Variants in GRHL2 observed in about 807,000 individuals in gnomAD.
The protein encoded by GRHL2 is grainyhead-like protein 2 homolog.
In GRHL2, 21 loss-of-function variants were observed where a neutral mutation model predicts 83.8. The ratio of observed to expected loss-of-function variants is 0.25; its 90% CI spans 0.18 to 0.36. The LOEUF (loss-of-function observed/expected upper bound fraction) is 0.36, where lower values mean the gene tolerates loss of function less well. GRHL2 is among the 10% of genes least tolerant of loss of function. The probability of loss-of-function intolerance (pLI) is 1.00; values close to 1 mark genes in which losing one functional copy is unlikely to be tolerated. For missense variants in GRHL2, 623 were observed against 781.8 expected (o/e 0.80, Z 2.42); for synonymous variants, 280 against 278.9 (o/e 1.00, Z -0.04).
At chr8:101,643,618 G>A (rs865952559) in intron 12 of GRHL2, among the ~76,000 whole-genome samples, 3 of 152,176 alleles carry the variant, frequency 2.0e-5, no homozygotes, top group African/African-American at 4.8e-5. Flanking sequence ...CATCTGCTGC[G>A]GCCAGAGGGA....
chr8:101,539,693 T>A (rs606338), intron 1 of GRHL2, among the ~76,000 whole-genome samples: 22,362 of 152,294 alleles, frequency 0.15, 1,961 homozygotes, highest in South Asian at 0.26. Flanking sequence ...ATGCTCCTTT[T>A]GTAAGAAAAT....
chr8:101,546,333 A>T (rs896756531), intron 2 of GRHL2, among the ~76,000 whole-genome samples: 3 of 152,100 alleles, frequency 2.0e-5, no homozygotes, highest in Non-Finnish European at 4.4e-5. Flanking sequence ...ATATAATTTC[A>T]TATATCTGTA....
At chr8:101,645,348 G>A (rs1350093145) in intron 13 of GRHL2, among the ~76,000 whole-genome samples, 1 of 152,020 alleles carries the variant, frequency 6.6e-6, no homozygotes, top group Non-Finnish European at 1.5e-5. Context: ...GGCCAGGATG[G>A]TCTCGATCTC....
chr8:101,616,263 C>T (rs1812855990), intron 8 of GRHL2, among the ~76,000 whole-genome samples: 1 of 151,894 alleles, frequency 6.6e-6, no homozygotes, highest in African/African-American at 2.4e-5. Flanking sequence ...CTCCACCTCC[C>T]AGGTTCAAGA....
rs1810636448 is a variant in GRHL2 at position 101,519,368 on chromosome 8, C to T, written c.21-23873C>T. Among the ~76,000 whole-genome samples, 3 of 150,928 alleles carry T rather than the reference C, an allele frequency of 2.0e-5. No individual in the cohort carries two copies. The South Asian group carries it at 6.4e-4, about 32-fold the overall frequency. ...GTTTTTATGTTTACATAGCTATTCC[C>T]AAATCCAAGGTCAGATTAAATATTC... On this transcript the variant is annotated intron_variant, in intron 1 of 15. Coordinates refer to ENST00000646743, the MANE Select transcript of GRHL2 (RefSeq NM_024915.4).
intron 14 of GRHL2, among the ~76,000 whole-genome samples, chr8:101,663,954 C>G (rs950689906): frequency 1.3e-5 from 2 of 151,192 alleles, no homozygotes; most frequent in Non-Finnish European, 2.9e-5. Context: ...TTTTTATTAA[C>G]CTTTCGACCT....
intron 15 of GRHL2, 36 bp from the exon 16 acceptor site, chr8:101,666,553 T>C (rs1028214996): frequency 8.0e-7 from 1 of 1,243,316 alleles, no homozygotes; most frequent in African/African-American, 1.5e-5. Context: ...GTTCACGGCG[T>C]CTTTGTTTTT....
chr8:101,591,409 C>G (rs1160624757), intron 7 of GRHL2, among the ~76,000 whole-genome samples: 1 of 152,184 alleles, frequency 6.6e-6, no homozygotes, highest in African/African-American at 2.4e-5. Context: ...TTTGTCTCCT[C>G]TCTACTGAAG....
At chr8:101,527,374 A>T (rs995312856) in intron 1 of GRHL2, among the ~76,000 whole-genome samples, 3 of 152,078 alleles carry the variant, frequency 2.0e-5, no homozygotes, top group Non-Finnish European at 2.9e-5. Flanking sequence ...TACATAAAAA[A>T]TTTTTTTGTA....
chr8:101,581,072 C>T (rs1273725939), intron 7 of GRHL2, among the ~76,000 whole-genome samples: 2 of 152,206 alleles, frequency 1.3e-5, no homozygotes, highest in Non-Finnish European at 2.9e-5. Flanking sequence ...AGCCTCTAGC[C>T]AGTTCTTGGC....
the GRHL2 span, among the ~76,000 whole-genome samples, chr8:101,677,161 A>G: frequency 6.6e-6 from 1 of 151,972 alleles, no homozygotes; most frequent in Non-Finnish European, 1.5e-5. Context: ...ATGTATACAT[A>G]TGTAACAAAC....
intron 3 of GRHL2, 142 bp downstream of exon 3, chr8:101,552,924 T>C (rs1303545399): frequency 1.2e-6 from 1 of 816,200 alleles, no homozygotes; most frequent in East Asian, 2.8e-5. Context: ...GGACCAATGC[T>C]AGATCTCTCA....
chr8:101,572,710 A>G (rs1365778939), intron 5 of GRHL2, among the ~76,000 whole-genome samples: 1 of 152,254 alleles, frequency 6.6e-6, no homozygotes, highest in African/African-American at 2.4e-5. Context: ...TGTTAAACAA[A>G]AAATGATTGT....
At chr8:101,552,655 T>C in intron 2 of GRHL2, 60 bp from the exon 3 acceptor site, 7 of 1,513,114 alleles carry the variant, frequency 4.6e-6, no homozygotes, top group African/African-American at 4.1e-5. Flanking sequence ...GGTGTCCAGC[T>C]CTGAACATGG....
At chr8:101,531,966 G>A (rs1810938329) in intron 1 of GRHL2, among the ~76,000 whole-genome samples, 1 of 152,180 alleles carries the variant, frequency 6.6e-6, no homozygotes, top group South Asian at 2.1e-4. Context: ...TTTATGTGGT[G>A]GAGGGCATTA....
chr8:101,635,887 A>G (rs1374448823), intron 11 of GRHL2, among the ~76,000 whole-genome samples: 3 of 152,220 alleles, frequency 2.0e-5, no homozygotes, highest in African/African-American at 4.8e-5. Context: ...TAGGCTTGGC[A>G]GCATCCCAGG....
At chr8:101,506,221 A>G (rs1460199533) in intron 1 of GRHL2, among the ~76,000 whole-genome samples, 1 of 152,188 alleles carries the variant, frequency 6.6e-6, no homozygotes, top group Non-Finnish European at 1.5e-5. Context: ...ACAGTTTTGC[A>G]TTGTATGTGT....
intron 8 of GRHL2, among the ~76,000 whole-genome samples, chr8:101,612,516 GATAGATAC>G (rs1350350729): frequency 6.8e-4 from 54 of 79,816 alleles, no homozygotes; most frequent in Non-Finnish European, 9.5e-4. Flanking sequence ...TAGATAGATA[GATAGATAC>G]ATACATACAT....
intron 11 of GRHL2, among the ~76,000 whole-genome samples, chr8:101,634,187 G>A (rs989781617): frequency 6.6e-6 from 1 of 152,138 alleles, no homozygotes; most frequent in African/African-American, 2.4e-5. Flanking sequence ...CTTCCTCAGA[G>A]CTCTCAGGCT....
Sources: gnomAD v4.1 joint callset for allele counts (sites outside exome capture counted in the v4.1 genomes callset) on GRCh38, gnomAD v4.1.1 for gene constraint, MANE v1.5 for transcripts, NCBI Gene and HGNC (gene_info 2026-07-23, HGNC 2026-07-21) for gene names.